CNTLN: variants seen among roughly 807,000 people sequenced by gnomAD.
CNTLN encodes the protein centlein, also known as centlein, centrosomal protein.
A neutral mutation model predicts 180.0 loss-of-function variants in CNTLN; 212 were observed. That is an observed-to-expected ratio of 1.18 (90% CI 1.05 to 1.32). The LOEUF is 1.32. CNTLN is among the 40% of genes most tolerant of loss of function. The probability of loss-of-function intolerance (pLI) is 0.00; values close to 1 mark genes in which losing one functional copy is unlikely to be tolerated. For missense variants in CNTLN, 2,095 were observed against 1,610.9 expected (o/e 1.30, Z -5.14); for synonymous variants, 722 against 563.1 (o/e 1.28, Z -3.99).
the CNTLN span, among the ~76,000 whole-genome samples, chr9:17,524,184 T>C: frequency 2.6e-5 from 4 of 152,214 alleles, no homozygotes; most frequent in South Asian, 2.1e-4. Context: ...TGCATACATA[T>C]GTATTTTATT....
intron 2 of CNTLN, among the ~76,000 whole-genome samples, chr9:17,187,387 T>C (rs1821496513): frequency 6.6e-6 from 1 of 152,058 alleles, no homozygotes; most frequent in South Asian, 2.1e-4. Flanking sequence ...TTTCATGTTT[T>C]TAAGGTTGAG....
intron 6 of CNTLN, among the ~76,000 whole-genome samples, chr9:17,290,916 C>T (rs546443546): frequency 5.8e-4 from 89 of 152,288 alleles, no homozygotes; most frequent in Non-Finnish European, 1.1e-3. Context: ...TCTGGCACTC[C>T]CTAGTGAGAG....
chr9:17,352,603 G>A (rs75931249), intron 12 of CNTLN, among the ~76,000 whole-genome samples: 4,458 of 152,006 alleles, frequency 0.029, 159 homozygotes, highest in African/African-American at 0.084. Flanking sequence ...GAATTCAGTG[G>A]CATTTAGTGC....
rs574259127 is a variant in CNTLN, at chr9:17,141,456, C to G, written c.361-1832C>G. Among the ~76,000 whole-genome samples, 5 of 152,134 alleles carry G rather than the reference C, an allele frequency of 3.3e-5. No individual in the cohort carries two copies. The South Asian group carries it at 1.0e-3, about 32-fold the overall frequency. On this transcript the variant is annotated intron_variant, in intron 1 of 25. Coordinates refer to ENST00000380647, the MANE Select transcript of CNTLN (RefSeq NM_017738.4). ...GGATGATGCAGTATGTGCATTGGCC[C>G]TGGTTCAAGTAGAGCAAGTAGAGTA...
chr9:17,441,524 G>T (rs1333666556), intron 18 of CNTLN, among the ~76,000 whole-genome samples: 1 of 151,360 alleles, frequency 6.6e-6, no homozygotes, highest in Non-Finnish European at 1.5e-5. Context: ...AAGCTCCATG[G>T]TGATCACGAA....
At chr9:17,229,765 C>A (rs1391955410) in intron 3 of CNTLN, among the ~76,000 whole-genome samples, 1 of 152,076 alleles carries the variant, frequency 6.6e-6, no homozygotes, top group Non-Finnish European at 1.5e-5. Flanking sequence ...CCTAGCCAAA[C>A]TGACATATAA....
downstream of CNTLN, among the ~76,000 whole-genome samples, chr9:17,508,282 T>C (rs180987535): frequency 1.3e-5 from 2 of 152,310 alleles, no homozygotes; most frequent in East Asian, 3.9e-4. Context: ...TCACAAGAAG[T>C]TGCAAAAATA....
At chr9:17,320,809 A>G (rs1819859085) in intron 8 of CNTLN, among the ~76,000 whole-genome samples, 1 of 152,064 alleles carries the variant, frequency 6.6e-6, no homozygotes, top group Admixed American at 6.6e-5. Flanking sequence ...GGCCTCATTT[A>G]TATATATTTA....
chr9:17,464,856 A>G (rs1022918127), intron 21 of CNTLN, among the ~76,000 whole-genome samples: 21 of 151,348 alleles, frequency 1.4e-4, no homozygotes, highest in African/African-American at 4.8e-4. Context: ...TAAATATCCC[A>G]TGAGAAGATT....
intron 15 of CNTLN, among the ~76,000 whole-genome samples, chr9:17,403,545 A>ATT (rs66964106): frequency 0.73 from 108,348 of 148,612 alleles, 41,484 homozygotes; most frequent in Non-Finnish European, 0.85. Flanking sequence ...GGAGGCATCA[A>ATT]TTTTTTTTTT....
At chr9:17,348,632 G>T (rs537836753) in intron 12 of CNTLN, among the ~76,000 whole-genome samples, 3 of 151,628 alleles carry the variant, frequency 2.0e-5, no homozygotes, top group Non-Finnish European at 4.4e-5. Flanking sequence ...CTGGGTTCAA[G>T]TAAATCTCCT....
intron 12 of CNTLN, among the ~76,000 whole-genome samples, chr9:17,353,489 G>A (rs907098203): frequency 2.6e-5 from 4 of 151,470 alleles, no homozygotes; most frequent in African/African-American, 9.7e-5. Context: ...ATTTGCATGT[G>A]TTTCTTTGGC....
chr9:17,369,430 C>G (rs1392995996), intron 13 of CNTLN, among the ~76,000 whole-genome samples: 1 of 151,906 alleles, frequency 6.6e-6, no homozygotes, highest in Non-Finnish European at 1.5e-5. Flanking sequence ...CGAAATGAGG[C>G]ACCTGGGATC....
At chr9:17,147,391 G>A (rs1818528268) in intron 2 of CNTLN, among the ~76,000 whole-genome samples, 1 of 152,128 alleles carries the variant, frequency 6.6e-6, no homozygotes, top group Non-Finnish European at 1.5e-5. Flanking sequence ...TTTTTTTGGT[G>A]AATGGTTTCT....
At chr9:17,524,146 T>C in the CNTLN span, among the ~76,000 whole-genome samples, 1 of 152,250 alleles carries the variant, frequency 6.6e-6, no homozygotes, top group African/African-American at 2.4e-5. Flanking sequence ...GAAGCAGAAC[T>C]AATATTCTGT....
chr9:17,296,487 T>C (rs1817946876), intron 6 of CNTLN, among the ~76,000 whole-genome samples: 1 of 152,190 alleles, frequency 6.6e-6, no homozygotes, highest in Admixed American at 6.5e-5. Flanking sequence ...TGATATGTTT[T>C]ATCTTCATCA....
chr9:17,149,637 C>T (rs1000149758), intron 2 of CNTLN, among the ~76,000 whole-genome samples: 2 of 151,510 alleles, frequency 1.3e-5, no homozygotes, highest in African/African-American at 2.4e-5. Context: ...CCTGCCTCAG[C>T]CCCCCAAGTA....
At chr9:17,150,987 C>T (rs1192546842) in intron 2 of CNTLN, among the ~76,000 whole-genome samples, 1 of 152,168 alleles carries the variant, frequency 6.6e-6, no homozygotes, top group Non-Finnish European at 1.5e-5. Context: ...GATTTTCGCA[C>T]ATTGATTTTG....
At chr9:17,426,530 C>A (rs1436792468) in intron 18 of CNTLN, among the ~76,000 whole-genome samples, 1 of 151,594 alleles carries the variant, frequency 6.6e-6, no homozygotes, top group Non-Finnish European at 1.5e-5. Flanking sequence ...GTATTTATAT[C>A]CATATGTACA....
Sources: gnomAD v4.1 joint callset for allele counts (sites outside exome capture counted in the v4.1 genomes callset) on GRCh38, gnomAD v4.1.1 for gene constraint, MANE v1.5 for transcripts, NCBI Gene and HGNC (gene_info 2026-07-23, HGNC 2026-07-21) for gene names.